The following ZBTB44 variants were observed in gnomAD, a reference collection of about 807,000 sequenced individuals.
ZBTB44 encodes zinc finger and BTB domain containing 44, also known as zinc finger and BTB domain-containing protein 44.
Under a neutral mutation model 54.0 loss-of-function variants are expected in ZBTB44, and 15 were observed. The ratio of observed to expected loss-of-function variants is 0.28; its 90% CI spans 0.19 to 0.43. The LOEUF is 0.43. Among genes scored for constraint, ZBTB44 ranks in the 20% least tolerant of loss-of-function variants. The probability of loss-of-function intolerance (pLI) is 1.00; values close to 1 mark genes in which losing one functional copy is unlikely to be tolerated. For missense variants in ZBTB44, 487 were observed against 707.1 expected, an observed-to-expected ratio of 0.69 and a Z score of 3.53; for synonymous variants, 230 against 250.1, an observed-to-expected ratio of 0.92 and a Z score of 0.76.
At chr11:130,314,195 C>T (rs974594136) in intron 1 of ZBTB44, among the ~76,000 whole-genome samples, 180 bp downstream of exon 1, 1 of 152,130 alleles carries the variant, frequency 6.6e-6, no homozygotes, top group Non-Finnish European at 1.5e-5. Context: ...CCGGTCTCCT[C>T]CCAGAAGGAT....
At chr11:130,290,683 T>C (rs1210306901) in intron 1 of ZBTB44, among the ~76,000 whole-genome samples, 1 of 152,216 alleles carries the variant, frequency 6.6e-6, no homozygotes. Context: ...CGCTGAACTA[T>C]CAACAGTACT....
intron 2 of ZBTB44, among the ~76,000 whole-genome samples, 177 bp from the exon 3 acceptor site, chr11:130,240,073 G>T (rs937554706): frequency 1.5e-5 from 2 of 133,456 alleles, no homozygotes; most frequent in South Asian, 4.6e-4. Context: ...ACTGAGTCTC[G>T]CTCTGTCGCC....
chr11:130,278,854 T>C (rs933260611), intron 1 of ZBTB44, among the ~76,000 whole-genome samples: 6 of 152,224 alleles, frequency 3.9e-5, no homozygotes, highest in African/African-American at 1.4e-4. Context: ...TTATGCTTTT[T>C]CTCTAGTTCT....
chr11:130,246,270 CAT>C (rs1038231447), intron 2 of ZBTB44, among the ~76,000 whole-genome samples: 3 of 152,092 alleles, frequency 2.0e-5, no homozygotes, highest in Non-Finnish European at 4.4e-5. Context: ...AATATATACA[CAT>C]ATATATACAC....
At chr11:130,253,605 G>C (rs905434044) in intron 2 of ZBTB44, among the ~76,000 whole-genome samples, 1 of 152,168 alleles carries the variant, frequency 6.6e-6, no homozygotes, top group Non-Finnish European at 1.5e-5. Context: ...CCATGCTCAT[G>C]GATAGGAAGA....
At chr11:130,296,659 T>A in intron 1 of ZBTB44, 4 of 989,258 alleles carry the variant, frequency 4.0e-6, no homozygotes, top group Non-Finnish European at 6.5e-6. Context: ...TGGGTTTTCT[T>A]CTACTTGAAA....
chr11:130,267,571 ATT>A (rs1407811422), intron 1 of ZBTB44, among the ~76,000 whole-genome samples: 1 of 151,786 alleles, frequency 6.6e-6, no homozygotes, highest in African/African-American at 2.4e-5. Flanking sequence ...CGCCTGGCTA[ATT>A]TTTAAATTTT....
intron 1 of ZBTB44, among the ~76,000 whole-genome samples, chr11:130,303,765 A>C (rs1942113486): frequency 6.6e-6 from 1 of 152,188 alleles, no homozygotes; most frequent in South Asian, 2.1e-4. Flanking sequence ...CAGGTATCAA[A>C]CATCTGTAAT....
intron 1 of ZBTB44, among the ~76,000 whole-genome samples, chr11:130,267,317 A>C (rs1166079366): frequency 6.6e-6 from 1 of 152,070 alleles, no homozygotes. Flanking sequence ...AGGTTGAAGG[A>C]AAGAAGCCAT....
chr11:130,262,284 C>T (rs559871423), intron 1 of ZBTB44, among the ~76,000 whole-genome samples: 1 of 152,236 alleles, frequency 6.6e-6, no homozygotes, highest in East Asian at 1.9e-4. Context: ...GGATTACAGG[C>T]ACCCGCCCTC....
chr11:130,311,941 A>G (rs1016688480), intron 1 of ZBTB44, among the ~76,000 whole-genome samples: 1 of 152,202 alleles, frequency 6.6e-6, no homozygotes, highest in Non-Finnish European at 1.5e-5. Flanking sequence ...CATTAAAAAG[A>G]AAGACGACTG....
intron 3 of ZBTB44, chr11:130,239,583 C>A: frequency 3.0e-6 from 1 of 332,614 alleles, no homozygotes; most frequent in Non-Finnish European, 5.7e-6. Context: ...ACACTTGGTA[C>A]AGATACGATT....
intron 1 of ZBTB44, among the ~76,000 whole-genome samples, chr11:130,276,968 G>A (rs542150026): frequency 8.5e-5 from 13 of 152,162 alleles, no homozygotes; most frequent in African/African-American, 3.1e-4. Context: ...TCGCTTTCTG[G>A]TGGTTGCTGT....
chr11:130,236,388 A>T (rs1191486822), intron 5 of ZBTB44, among the ~76,000 whole-genome samples: 1 of 152,246 alleles, frequency 6.6e-6, no homozygotes, highest in Non-Finnish European at 1.5e-5. Context: ...ATTTTTAAAT[A>T]GAGAGAAGTG....
chr11:130,301,366 C>T (rs371856208), intron 1 of ZBTB44, among the ~76,000 whole-genome samples: 9 of 152,274 alleles, frequency 5.9e-5, no homozygotes, highest in Admixed American at 2.6e-4. Flanking sequence ...AAAAATAACA[C>T]GTGGAGGCCG....
chr11:130,235,060 GTCTTA>G (rs1362557786), intron 5 of ZBTB44, among the ~76,000 whole-genome samples: 1 of 152,098 alleles, frequency 6.6e-6, no homozygotes, highest in Non-Finnish European at 1.5e-5. Flanking sequence ...TGTGAAATAA[GTCTTA>G]TCTTAGAGGC....
intron 2 of ZBTB44, among the ~76,000 whole-genome samples, chr11:130,243,296 G>T (rs139712405): frequency 6.6e-6 from 1 of 151,714 alleles, no homozygotes; most frequent in Non-Finnish European, 1.5e-5. Flanking sequence ...GTAATTTTTC[G>T]ACTGGTTATT....
chr11:130,269,182 G>A (rs866442257), intron 1 of ZBTB44, among the ~76,000 whole-genome samples: 1 of 151,884 alleles, frequency 6.6e-6, no homozygotes, highest in Non-Finnish European at 1.5e-5. Context: ...CTAGCTAGTC[G>A]GGAGGCTGAG....
rs771950407 is a variant in ZBTB44, at chr11:130,236,923, T to C, written c.1438A>G (p.Ile480Val). 12 of 1,603,600 alleles carry C rather than the reference T, an allele frequency of 7.5e-6. No individual in the cohort carries two copies. In the East Asian group the frequency reaches 2.5e-4, roughly 33 times the overall value. ...TCGTAAATCCGAGGCTTGCGGATAA[T>C]GTGCCGGGAAACCCTCATGTGGTGT... is the stretch of plus-strand genomic sequence containing the variant. The part of the protein sequence containing the change: ...YKHHMRVSRH[I>V]IRKPRIYECK... The change falls in exon 5 of 8, where the codon ATT becomes GTT. Residue 480 changes from isoleucine to valine, a missense_variant. By Grantham distance (29) the Ile-to-Val change is conservative. Around this residue, in one of 3 missense-constraint regions of ZBTB44, gnomAD observed 120 missense variants for 240.3 expected, o/e 0.50. Coordinates refer to ENST00000357899, the MANE Select transcript of ZBTB44 (RefSeq NM_001301098.2).
Sources: gnomAD v4.1 joint callset for allele counts (sites outside exome capture counted in the v4.1 genomes callset) on GRCh38, gnomAD v4.1.1 for gene constraint, gnomAD v4.1.1 regional missense constraint, MANE v1.5 for transcripts, NCBI Gene and HGNC (gene_info 2026-07-23, HGNC 2026-07-21) for gene names.